Variants in ASZ1 observed in about 807,000 individuals in gnomAD.
ASZ1 encodes ankyrin repeat, SAM and basic leucine zipper domain-containing protein 1.
ASZ1 carries 67 observed loss-of-function variants against 61.8 expected under a neutral mutation model. The observed-to-expected ratio is 1.08, with a 90% CI of 0.89 to 1.33. The LOEUF is 1.33. Ranked by LOEUF, ASZ1 falls within the 40% of genes most tolerant of loss-of-function variation. The pLI is 0.00. For missense variants in ASZ1, 577 were observed against 554.5 expected (o/e 1.04, Z -0.41); for synonymous variants, 193 against 192.7 (o/e 1.00, Z -0.01).
intron 4 of ASZ1, among the ~76,000 whole-genome samples, chr7:117,387,513 A>G (rs1426140560): frequency 6.6e-6 from 1 of 152,086 alleles, no homozygotes; most frequent in East Asian, 1.9e-4. Flanking sequence ...AGTCTTCCCT[A>G]TTTCATAAAG....
At chr7:117,366,101 T>C (rs1416188405) in intron 12 of ASZ1, among the ~76,000 whole-genome samples, 1 of 152,108 alleles carries the variant, frequency 6.6e-6, no homozygotes, top group Non-Finnish European at 1.5e-5. Context: ...TCATCTCTAC[T>C]AAAAATACAA....
intron 10 of ASZ1, among the ~76,000 whole-genome samples, chr7:117,379,133 T>TTTTA (rs1491302490): frequency 2.9e-5 from 3 of 104,654 alleles, no homozygotes; most frequent in Admixed American, 1.1e-4. Context: ...TGTGATAAAA[T>TTTTA]TATATATATA....
chr7:117,374,669 A>G (rs1226667511), intron 10 of ASZ1, among the ~76,000 whole-genome samples: 2 of 152,100 alleles, frequency 1.3e-5, no homozygotes, highest in African/African-American at 4.8e-5. Context: ...TCTTAAATCA[A>G]CTAAAAAAAG....
chr7:117,420,448 T>C (rs949710010), intron 3 of ASZ1, among the ~76,000 whole-genome samples, 174 bp from the exon 4 acceptor site: 1 of 152,224 alleles, frequency 6.6e-6, no homozygotes, highest in African/African-American at 2.4e-5. Flanking sequence ...AGATTAGACA[T>C]GAATCCCTTC....
At chr7:117,426,488 C>CAAAAAAAAAAAAAA (rs10625452) in intron 2 of ASZ1, among the ~76,000 whole-genome samples, 10 of 34,002 alleles carry the variant, frequency 2.9e-4, no homozygotes, top group East Asian at 1.9e-3. Context: ...GATAACATCT[C>CAAAAAAAAAAAAAA]AAAAAAAAAA....
At chr7:117,386,166 C>T (rs1024145366) in intron 4 of ASZ1, among the ~76,000 whole-genome samples, 3 of 152,148 alleles carry the variant, frequency 2.0e-5, no homozygotes, top group Non-Finnish European at 2.9e-5. Context: ...ATGAATGACA[C>T]AAATAAGGTC....
chr7:117,406,896 C>G (rs180917678), intron 4 of ASZ1, among the ~76,000 whole-genome samples: 28 of 152,100 alleles, frequency 1.8e-4, no homozygotes, highest in African/African-American at 5.5e-4. Flanking sequence ...TTAGAGTAGA[C>G]TCTAATAAGT....
At chr7:117,374,412 C>T (rs1796101274) in intron 10 of ASZ1, among the ~76,000 whole-genome samples, 1 of 151,966 alleles carries the variant, frequency 6.6e-6, no homozygotes, top group South Asian at 2.1e-4. Context: ...ATATATACAC[C>T]AAGCTCCTTA....
intron 4 of ASZ1, among the ~76,000 whole-genome samples, chr7:117,418,632 G>A (rs1252182758): frequency 6.8e-5 from 10 of 146,114 alleles, no homozygotes; most frequent in Admixed American, 3.5e-4. Flanking sequence ...CAGCCTGGGC[G>A]ACAGAGCAAG....
In ASZ1 at chr7:117,400,230, C is replaced by T. The variant is rs528913331; in HGVS notation, c.441-14421G>A. Among the ~76,000 whole-genome samples the T allele has an allele frequency of 6.6e-5, 10 of 152,118 alleles. No homozygotes were observed. The South Asian group carries it at 1.2e-3, about 19-fold the overall frequency. On this transcript the variant is annotated intron_variant, in intron 4 of 12. Transcript: ENST00000284629. ...GAAACAACTATGATAAAGGAAATTT[C>T]GACAATGATAAAATGCTAGGAATTA... is the stretch of plus-strand genomic sequence containing the variant.
intron 10 of ASZ1, among the ~76,000 whole-genome samples, chr7:117,370,418 T>C (rs1015584531): frequency 6.6e-6 from 1 of 152,000 alleles, no homozygotes; most frequent in Non-Finnish European, 1.5e-5. Flanking sequence ...TGAATGGCAA[T>C]GAAAGGGATG....
chr7:117,380,091 G>C (rs748335281), intron 9 of ASZ1, 44 bp from the exon 10 acceptor site: 1 of 1,298,544 alleles, frequency 7.7e-7, no homozygotes, highest in Non-Finnish European at 1.1e-6. Flanking sequence ...AGTTATACTT[G>C]AGTAATTTAA....
chr7:117,399,441 T>C (rs185738081), intron 4 of ASZ1, among the ~76,000 whole-genome samples: 107 of 152,324 alleles, frequency 7.0e-4, no homozygotes, highest in Non-Finnish European at 1.2e-3. Context: ...GCCTATAGCC[T>C]TGGAATCTCT....
intron 2 of ASZ1, among the ~76,000 whole-genome samples, chr7:117,423,296 TAC>T (rs1321497524): frequency 1.3e-5 from 2 of 152,220 alleles, no homozygotes; most frequent in Admixed American, 6.5e-5. Flanking sequence ...ACTGAAAGAC[TAC>T]ATATGTCTAA....
At chr7:117,364,624 CAT>C (rs1472261760) in intron 12 of ASZ1, among the ~76,000 whole-genome samples, 1 of 152,100 alleles carries the variant, frequency 6.6e-6, no homozygotes, top group Non-Finnish European at 1.5e-5. Flanking sequence ...GGAGTGATGA[CAT>C]AAATACTTTC....
intron 11 of ASZ1, chr7:117,367,789 C>T: frequency 1.0e-6 from 1 of 976,504 alleles, no homozygotes; most frequent in Non-Finnish European, 1.2e-6. Flanking sequence ...ATATAAAAAT[C>T]ACTGGAAAAC....
At chr7:117,390,244 A>G (rs1192886901) in intron 4 of ASZ1, among the ~76,000 whole-genome samples, 1 of 151,838 alleles carries the variant, frequency 6.6e-6, no homozygotes, top group East Asian at 1.9e-4. Flanking sequence ...ATCATGGCTC[A>G]CCGCAGCCTC....
chr7:117,379,946 C>T lies in ASZ1; in HGVS notation c.1047G>A (p.Leu349=), dbSNP rs556539218. ...AAATAAGTTAATTTTACCTGATTTC[C>T]AACTTTGTCTCTTCAGATAGCTCTC... ...QFGELSEETK[L]EISGDEFLNF... The change falls in exon 10 of 13, where the codon TTG becomes TTA. Residue 349 remains leucine (L), a synonymous_variant. Coordinates refer to ENST00000284629, the MANE Select transcript of ASZ1 (RefSeq NM_130768.3). 2.5e-6 allele frequency: 4 copies of T among 1,582,482 alleles called. No homozygotes were observed. In the South Asian group the frequency reaches 4.5e-5, roughly 18 times the overall value.
At chr7:117,401,694 TCTTCACCTAGCAAC>T (rs1796685048) in intron 4 of ASZ1, among the ~76,000 whole-genome samples, 1 of 152,196 alleles carries the variant, frequency 6.6e-6, no homozygotes, top group South Asian at 2.1e-4. Context: ...CACCTAGCAA[TCTTCACCTAGCAAC>T]CTCCACTTAA....
Sources: gnomAD v4.1 joint callset for allele counts (sites outside exome capture counted in the v4.1 genomes callset) on GRCh38, gnomAD v4.1.1 for gene constraint, MANE v1.5 for transcripts, NCBI Gene and HGNC (gene_info 2026-07-23, HGNC 2026-07-21) for gene names.